The following SCN8A variants were observed in gnomAD, a reference collection of about 807,000 sequenced individuals.
SCN8A encodes sodium voltage-gated channel alpha subunit 8, also known as sodium channel protein type 8 subunit alpha.
Under a neutral mutation model 184.1 loss-of-function variants are expected in SCN8A, and 30 were observed. The ratio of observed to expected loss-of-function variants is 0.16; its 90% CI spans 0.12 to 0.22. The LOEUF (loss-of-function observed/expected upper bound fraction) is 0.22. Among genes scored for constraint, SCN8A ranks in the 10% least tolerant of loss-of-function variants. The pLI is 1.00. For synonymous variants in SCN8A, 852 were observed against 907.0 expected (o/e 0.94, Z 1.09); for missense variants, 1,057 against 2,498.9 (o/e 0.42, Z 12.30).
At chr12:51,644,297 G>T (rs1465732338) in intron 1 of SCN8A, among the ~76,000 whole-genome samples, 1 of 152,168 alleles carries the variant, frequency 6.6e-6, no homozygotes, top group African/African-American at 2.4e-5. Flanking sequence ...CAAACAGCTT[G>T]GGTTTGAATC....
At chr12:51,795,196 A>G (rs772804195) in intron 26 of SCN8A, among the ~76,000 whole-genome samples, 1 of 152,124 alleles carries the variant, frequency 6.6e-6, no homozygotes, top group African/African-American at 2.4e-5. Flanking sequence ...TATTATCTGG[A>G]CTGTATACAT....
chr12:51,788,201 C>T (rs1252605329), intron 22 of SCN8A, among the ~76,000 whole-genome samples: 1 of 149,800 alleles, frequency 6.7e-6, no homozygotes, highest in East Asian at 2.0e-4. Flanking sequence ...ATAGGCTATA[C>T]ATGTGTATAT....
Position 51,762,607 on chromosome 12 carries a change from C to A in SCN8A, c.2475C>A (p.Val825=), listed in dbSNP as rs535061303. Residue 825 remains valine (V), a synonymous_variant, in exon 15 of 27, where the codon GTC becomes GTA. Transcript: ENST00000627620. ...GGAACATTTTTGACGGATTTATTGTCTCCCTCAGTTTAATGGAACTGAGTC... is the reference window on the plus strand; with the variant it reads ...GGAACATTTTTGACGGATTTATTGTATCCCTCAGTTTAATGGAACTGAGTC... ...EGWNIFDGFI[V]SLSLMELSLA... 2.0e-4 allele frequency: 321 copies of A among 1,613,130 alleles called. 4 individuals carry two copies. In the South Asian group the frequency reaches 3.4e-3, roughly 17 times the overall value.
chr12:51,617,268 T>C (rs765815351), intron 1 of SCN8A, among the ~76,000 whole-genome samples: 12 of 152,186 alleles, frequency 7.9e-5, no homozygotes, highest in Non-Finnish European at 1.5e-5. Context: ...CCATGGGTCA[T>C]TGAGATTCTG....
At chr12:51,751,107 C>T (rs1447268425) in intron 13 of SCN8A, among the ~76,000 whole-genome samples, 1 of 152,172 alleles carries the variant, frequency 6.6e-6, no homozygotes, top group South Asian at 2.1e-4. Flanking sequence ...CTCTTGACCT[C>T]TGTGCTCGAC....
chr12:51,700,911 G>A (rs1397680118), intron 7 of SCN8A, among the ~76,000 whole-genome samples: 1 of 152,188 alleles, frequency 6.6e-6, no homozygotes, highest in Non-Finnish European at 1.5e-5. Flanking sequence ...GAAGTTGGGT[G>A]TCTGTGAAAA....
chr12:51,641,803 C>T (rs1940459899), intron 1 of SCN8A, among the ~76,000 whole-genome samples: 1 of 152,150 alleles, frequency 6.6e-6, no homozygotes, highest in Non-Finnish European at 1.5e-5. Flanking sequence ...CAGTGTAACT[C>T]AAATGTAACT....
At chr12:51,606,662 G>A (rs186535830) in intron 1 of SCN8A, among the ~76,000 whole-genome samples, 1 of 152,102 alleles carries the variant, frequency 6.6e-6, no homozygotes, top group Non-Finnish European at 1.5e-5. Context: ...CATTGCATTT[G>A]TAGATTGGTT....
At chr12:51,656,761 A>G (rs1940828786) in intron 1 of SCN8A, among the ~76,000 whole-genome samples, 1 of 152,100 alleles carries the variant, frequency 6.6e-6, no homozygotes, top group African/African-American at 2.4e-5. Context: ...CAGTATCATT[A>G]GGGAAGTGCA....
intron 1 of SCN8A, among the ~76,000 whole-genome samples, chr12:51,633,813 A>G (rs746546430): frequency 1.6e-4 from 24 of 152,340 alleles, no homozygotes; most frequent in Middle Eastern, 3.4e-3. Context: ...GGGAAGAGAT[A>G]CTTTGGTGAA....
intron 1 of SCN8A, among the ~76,000 whole-genome samples, chr12:51,658,329 C>T (rs1940862522): frequency 6.6e-6 from 1 of 151,960 alleles, no homozygotes; most frequent in African/African-American, 2.4e-5. Context: ...CTTTCACCTT[C>T]CTGGTTAAAT....
chr12:51,697,207 C>T (rs1298523032), intron 6 of SCN8A, among the ~76,000 whole-genome samples: 1 of 152,056 alleles, frequency 6.6e-6, no homozygotes, highest in African/African-American at 2.4e-5. Flanking sequence ...CAAGCAAGCG[C>T]TTCATAATCC....
In SCN8A at chr12:51,678,558, T is replaced by C. The variant is rs998904982; in HGVS notation, c.277-5616T>C. 3.3e-5 allele frequency among the ~76,000 whole-genome samples: 5 copies of C among 152,208 alleles called. No homozygotes were observed. In the East Asian group the frequency reaches 9.6e-4, roughly 29 times the overall value. Reference sequence around the variant, plus strand: ...AGTATGCCCATCAGGCAGCCCTCTCTCTTATTTTATAGACGAAGAAAATGA... The same window carrying C: ...AGTATGCCCATCAGGCAGCCCTCTCCCTTATTTTATAGACGAAGAAAATGA... On this transcript the variant is annotated intron_variant, in intron 2 of 26. Transcript: ENST00000627620.
chr12:51,789,168 C>T lies in SCN8A; in HGVS notation c.4282-113C>T. On this transcript the variant is annotated intron_variant, in intron 23 of 26. Coordinates refer to ENST00000627620, the MANE Select transcript of SCN8A (RefSeq NM_001330260.2). ...GCAGGCAGAAAGAATCTAGGGCTCT[C>T]CCACCCCAAGATGTTTAGCAGCTCA... 2.6e-6 allele frequency: 3 copies of T among 1,147,526 alleles called. No individual in the cohort carries two copies. The South Asian group carries it at 4.3e-5, about 16-fold the overall frequency. 71.1% of individuals were successfully genotyped at this position (1,147,526 alleles called of 1,614,324 possible).
chr12:51,799,623 G>A (rs908572700), intron 26 of SCN8A, among the ~76,000 whole-genome samples: 1 of 152,210 alleles, frequency 6.6e-6, no homozygotes, highest in Admixed American at 6.5e-5. Flanking sequence ...CCAAGTGGCA[G>A]AGCAGCTTGC....
At chr12:51,698,053 C>T (rs943764537) in intron 6 of SCN8A, among the ~76,000 whole-genome samples, 16 of 152,078 alleles carry the variant, frequency 1.1e-4, no homozygotes, top group Non-Finnish European at 2.1e-4. Context: ...GGGGTTTCAC[C>T]GTGTTGGCCA....
chr12:51,631,156 C>T (rs970257284), intron 1 of SCN8A, among the ~76,000 whole-genome samples: 15 of 152,186 alleles, frequency 9.9e-5, no homozygotes, highest in African/African-American at 3.6e-4. Flanking sequence ...CCTTTAAACA[C>T]CCAGGCTCCC....
At chr12:51,655,057 C>A (rs548351223) in intron 1 of SCN8A, among the ~76,000 whole-genome samples, 1 of 152,184 alleles carries the variant, frequency 6.6e-6, no homozygotes, top group South Asian at 2.1e-4. Flanking sequence ...GTACACCACG[C>A]CCAGCTAATT....
intron 26 of SCN8A, among the ~76,000 whole-genome samples, chr12:51,801,656 C>G (rs1938559873): frequency 1.3e-5 from 2 of 152,194 alleles, no homozygotes; most frequent in Non-Finnish European, 2.9e-5. Flanking sequence ...GGGCCCATAT[C>G]AATAAATTCA....
Sources: allele counts gnomAD v4.1 joint callset (sites outside exome capture counted in the v4.1 genomes callset), GRCh38; gene constraint gnomAD v4.1.1; transcripts MANE v1.5; gene names NCBI Gene and HGNC (gene_info 2026-07-23, HGNC 2026-07-21).